The following GLI3 variants were observed in gnomAD, a reference collection of about 807,000 sequenced individuals.
GLI3 encodes the protein GLI family zinc finger 3.
Under a neutral mutation model 100.8 loss-of-function variants are expected in GLI3, and 20 were observed. The ratio of observed to expected loss-of-function variants is 0.20; its 90% confidence interval spans 0.14 to 0.29. The LOEUF is 0.29. GLI3 is among the 10% of genes least tolerant of loss of function. The pLI, the probability that GLI3 is intolerant of heterozygous loss-of-function variation, is 1.00. For synonymous variants in GLI3, 938 were observed against 860.5 expected, an observed-to-expected ratio of 1.09 and a Z score of -1.58; for missense variants, 2,040 against 2,128.5, an observed-to-expected ratio of 0.96 and a Z score of 0.82.
At chr7:42,238,901 T>C (rs1258025140), upstream of GLI3, among the ~76,000 whole-genome samples, 1 of 152,244 alleles carries the variant, frequency 6.6e-6, no homozygotes, top group Non-Finnish European at 1.5e-5. Flanking sequence ...GCCAAGTGTC[T>C]TGACTGAAGG....
intron 2 of GLI3, among the ~76,000 whole-genome samples, chr7:42,213,832 G>C (rs3801233): frequency 0.86 from 131,661 of 152,280 alleles, 56,993 homozygotes; most frequent in Middle Eastern, 0.93. Flanking sequence ...AACCTTAGTT[G>C]TGTCATATGG....
chr7:41,980,290 G>A (rs963417882), intron 10 of GLI3, among the ~76,000 whole-genome samples: 1 of 152,212 alleles, frequency 6.6e-6, no homozygotes, highest in African/African-American at 2.4e-5. Context: ...TTAAAGTTAT[G>A]ATGATGCACA....
intron 3 of GLI3, among the ~76,000 whole-genome samples, chr7:42,102,358 T>C (rs1350875385): frequency 6.6e-6 from 1 of 152,088 alleles, no homozygotes; most frequent in Non-Finnish European, 1.5e-5. Flanking sequence ...GAGCCTGAGT[T>C]GGGGGAAGGA....
intron 3 of GLI3, among the ~76,000 whole-genome samples, chr7:42,122,034 T>G (rs958423660): frequency 4.6e-5 from 7 of 152,110 alleles, no homozygotes; most frequent in African/African-American, 1.7e-4. Context: ...CTTCCACACC[T>G]GTAACTTTAA....
At chr7:42,078,976 G>A (rs537395447) in intron 3 of GLI3, among the ~76,000 whole-genome samples, 29 of 152,106 alleles carry the variant, frequency 1.9e-4, no homozygotes, top group Admixed American at 4.6e-4. Flanking sequence ...TGATCTGCCC[G>A]CCTCGGCCTC....
chr7:42,114,055 G>A (rs1174591940), intron 3 of GLI3, among the ~76,000 whole-genome samples: 4 of 152,214 alleles, frequency 2.6e-5, no homozygotes, highest in Non-Finnish European at 4.4e-5. Flanking sequence ...GGTTACCAGT[G>A]TGTCACACAA....
At chr7:41,980,943 G>A (rs552366197) in intron 10 of GLI3, among the ~76,000 whole-genome samples, 1 of 152,314 alleles carries the variant, frequency 6.6e-6, no homozygotes, top group Admixed American at 6.5e-5. Context: ...GCATTATGAA[G>A]GGAGATAACA....
At chr7:42,080,725 C>T (rs1379901928) in intron 3 of GLI3, among the ~76,000 whole-genome samples, 3 of 152,194 alleles carry the variant, frequency 2.0e-5, no homozygotes, top group Admixed American at 6.5e-5. Flanking sequence ...AATCCTAACA[C>T]ATTTCTTGAA....
Position 41,987,357 on chromosome 7 carries a change from C to T in GLI3, c.1498-8609G>A, listed in dbSNP as rs367561814. Among the ~76,000 whole-genome samples, 9 of 152,102 alleles carry T rather than the reference C, an allele frequency of 5.9e-5. No homozygotes were observed. The South Asian group carries it at 1.5e-3, about 25-fold the overall frequency. The stretch of plus-strand genomic sequence containing the variant: ...CTAATTTTTGTATTTTTAGTAGAGA[C>T]GGGGTTTCACTGTATTGGCCAGGCT... On this transcript the variant is annotated intron_variant, in intron 10 of 14. Coordinates refer to ENST00000395925, the MANE Select transcript of GLI3 (RefSeq NM_000168.6).
chr7:41,967,501 G>A lies in GLI3; in HGVS notation c.2431+95C>T, dbSNP rs1030085623. ...ATGGTTACAGCGTCATTTTAGGACT[G>A]GTGGAGAAACTAGCAAACATAAAAC... On this transcript the variant is annotated intron_variant, in intron 14 of 14. Coordinates refer to ENST00000395925, the MANE Select transcript of GLI3 (RefSeq NM_000168.6). 8.1e-6 allele frequency: 7 copies of A among 865,190 alleles called. No homozygotes were observed. The African/African-American group carries it at 8.4e-5, about 10-fold the overall frequency. 53.6% of individuals were successfully genotyped at this position (865,190 alleles called of 1,614,324 possible).
chr7:42,124,398 G>A (rs1374253750), intron 3 of GLI3, among the ~76,000 whole-genome samples: 7 of 152,148 alleles, frequency 4.6e-5, no homozygotes, highest in Non-Finnish European at 7.4e-5. Context: ...TACCAGTTAT[G>A]GTACTCGTTT....
At chr7:42,237,228 C>G (rs796694201), upstream of GLI3, among the ~76,000 whole-genome samples, 2 of 151,150 alleles carry the variant, frequency 1.3e-5, no homozygotes, top group African/African-American at 2.4e-5. Flanking sequence ...GCCGGTGGCG[C>G]TGCCCCTGCC....
In GLI3 at chr7:42,191,774, A is replaced by G. The variant is rs964323829; in HGVS notation, c.124+31356T>C. On this transcript the variant is annotated intron_variant, in intron 2 of 14. Coordinates refer to ENST00000395925, the MANE Select transcript of GLI3 (RefSeq NM_000168.6). ...ATAACCCTATGAAGTAGATACCATTACTGTCCACCTTTTAAAGGTGAGAAA... is the reference window on the plus strand; with the variant it reads ...ATAACCCTATGAAGTAGATACCATTGCTGTCCACCTTTTAAAGGTGAGAAA... Among the ~76,000 whole-genome samples the G allele has an allele frequency of 7.2e-5, 11 of 152,172 alleles. No individual in the cohort carries two copies. In the East Asian group the frequency reaches 1.5e-3, roughly 21 times the overall value.
chr7:42,003,954 A>T (rs931439063), intron 10 of GLI3, among the ~76,000 whole-genome samples: 7 of 152,214 alleles, frequency 4.6e-5, no homozygotes, highest in Non-Finnish European at 7.4e-5. Flanking sequence ...CAACATATCA[A>T]AAGAGTAACT....
rs146699629 is a variant in GLI3 at position 41,998,033 on chromosome 7, A to G, written c.1498-19285T>C. 6.9e-3 allele frequency among the ~76,000 whole-genome samples: 1,057 copies of G among 152,258 alleles called. 14 individuals carry two copies. Among genetic ancestry groups the G allele is most frequent in the African/African-American group, 0.024 (1,007 of 41,534 alleles). ...TTAAAATTTTTTAATTTAAATTTTA[A>G]TTTATTTTTTGCAAAGGGCAAGAAT... On this transcript the variant is annotated intron_variant, in intron 10 of 14. Coordinates refer to ENST00000395925, the MANE Select transcript of GLI3 (RefSeq NM_000168.6).
intron 11 of GLI3, 29 bp downstream of exon 11, chr7:41,978,570 G>A (rs1296229612): frequency 6.2e-7 from 1 of 1,612,132 alleles, no homozygotes; most frequent in East Asian, 2.2e-5. Flanking sequence ...AAGGACCCAA[G>A]TGTGCCTGCC....
chr7:42,101,100 TCTC>T (rs1320771448), intron 3 of GLI3, among the ~76,000 whole-genome samples: 2 of 152,094 alleles, frequency 1.3e-5, no homozygotes, highest in African/African-American at 4.8e-5. Flanking sequence ...TACATTCTCT[TCTC>T]CTGTGAGTAG....
rs144469301 is a variant in GLI3 at position 42,082,292 on chromosome 7, G to A, written c.368-5435C>T. On this transcript the variant is annotated intron_variant, in intron 3 of 14. Transcript: ENST00000395925. ...GTCATCATCCTCGTGCCTGCAAGTC[G>A]TTTTTCCAGGGCTCAGTGCACTGTG... Among the ~76,000 whole-genome samples the A allele has an allele frequency of 3.2e-4, 49 of 152,116 alleles. No individual in the cohort carries two copies. In the East Asian group the frequency reaches 5.5e-3, roughly 17 times the overall value.
At chr7:41,988,625 C>T (rs928315664) in intron 10 of GLI3, among the ~76,000 whole-genome samples, 1 of 152,102 alleles carries the variant, frequency 6.6e-6, no homozygotes, top group African/African-American at 2.4e-5. Context: ...TAGAATGAGC[C>T]CTCACCAGAC....
Sources: allele counts gnomAD v4.1 joint callset (sites outside exome capture counted in the v4.1 genomes callset), GRCh38; gene constraint gnomAD v4.1.1; transcripts MANE v1.5; gene names NCBI Gene and HGNC (gene_info 2026-07-23, HGNC 2026-07-21).